NKAIN2: variants seen among roughly 807,000 people sequenced by gnomAD.
The protein encoded by NKAIN2 is sodium/potassium transporting ATPase interacting 2.
In NKAIN2, 14 loss-of-function variants were observed where a neutral mutation model predicts 32.6. The observed-to-expected ratio is 0.43, with a 90% CI of 0.28 to 0.67. The LOEUF is 0.67. NKAIN2 is among the 30% of genes least tolerant of loss of function. The pLI, the probability that NKAIN2 is intolerant of heterozygous loss-of-function variation, is 0.17. For synonymous variants in NKAIN2, 80 were observed against 87.2 expected, an observed-to-expected ratio of 0.92 and a Z score of 0.46; for missense variants, 198 against 258.3, an observed-to-expected ratio of 0.77 and a Z score of 1.60.
At chr6:124,810,613 C>T (rs1780853055) in intron 5 of NKAIN2, among the ~76,000 whole-genome samples, 1 of 151,630 alleles carries the variant, frequency 6.6e-6, no homozygotes, top group African/African-American at 2.4e-5. Flanking sequence ...CACGTGTACC[C>T]TAAAACTTAA....
intron 1 of NKAIN2, among the ~76,000 whole-genome samples, chr6:123,871,613 A>T (rs1328445943): frequency 6.6e-6 from 1 of 152,038 alleles, no homozygotes; most frequent in Non-Finnish European, 1.5e-5. Context: ...GGCATAGGAG[A>T]TATATTTGGA....
chr6:124,779,254 AGAGAG>A lies in NKAIN2; in HGVS notation c.475-12084_475-12080del, dbSNP rs1779134081. On this transcript the variant is annotated intron_variant, in intron 4 of 6. Coordinates refer to ENST00000368417, the MANE Select transcript of NKAIN2 (RefSeq NM_001040214.3). ...GCCAGACTCCAACAAAGAAAGAGAG[AGAGAG>A]AGAGAGAGAGAGAGAGAGAGAGAGG... Among the ~76,000 whole-genome samples, 12 of 26,022 alleles carry A rather than the reference AGAGAG, an allele frequency of 4.6e-4. 1 individual carries two copies. The South Asian group carries it at 0.023, about 50-fold the overall frequency. 17.1% of individuals were successfully genotyped at this position (26,022 alleles called of 152,430 possible). A position where few individuals can be genotyped will look rare whatever the true frequency, so the allele number is the denominator to read the frequency against.
chr6:124,053,768 A>G (rs1377268111), intron 1 of NKAIN2, among the ~76,000 whole-genome samples: 1 of 152,038 alleles, frequency 6.6e-6, no homozygotes, highest in Non-Finnish European at 1.5e-5. Flanking sequence ...AAAAGGCTTG[A>G]GGAGGAAAAA....
chr6:124,208,759 C>A (rs1791023285), intron 1 of NKAIN2, among the ~76,000 whole-genome samples: 1 of 107,218 alleles, frequency 9.3e-6, no homozygotes, highest in African/African-American at 2.7e-5. Context: ...TCAATGCATG[C>A]AGAAAAATAT....
intron 1 of NKAIN2, among the ~76,000 whole-genome samples, chr6:124,062,409 A>G (rs1335354050): frequency 1.3e-5 from 2 of 151,990 alleles, no homozygotes; most frequent in African/African-American, 4.8e-5. Context: ...GGAATAGCTG[A>G]TTTCAGTTTT....
intron 1 of NKAIN2, among the ~76,000 whole-genome samples, chr6:123,999,378 T>A (rs893952327): frequency 6.6e-6 from 1 of 152,178 alleles, no homozygotes; most frequent in Admixed American, 6.5e-5. Context: ...AAAACTCTTC[T>A]GCTGCATCTT....
At chr6:124,585,007 C>T (rs1032011730) in intron 3 of NKAIN2, among the ~76,000 whole-genome samples, 1 of 152,224 alleles carries the variant, frequency 6.6e-6, no homozygotes, top group African/African-American at 2.4e-5. Flanking sequence ...TATCTGCACT[C>T]CCATGTTTAT....
chr6:124,658,712 C>T lies in NKAIN2; in HGVS notation c.474+326C>T, dbSNP rs558122850. The T allele has an allele frequency of 2.7e-4, 136 of 499,444 alleles. No individual in the cohort carries two copies. In the South Asian group the frequency reaches 4.5e-3, roughly 16 times the overall value. 30.9% of individuals were successfully genotyped at this position (499,444 alleles called of 1,614,324 possible). On this transcript the variant is annotated intron_variant, in intron 4 of 6. Transcript: ENST00000368417. ...GGATGATCAGAGATTTTTTTCATAACGTTCTACAGTACTCAAAATTATAAG... is the reference window on the plus strand; with the variant it reads ...GGATGATCAGAGATTTTTTTCATAATGTTCTACAGTACTCAAAATTATAAG...
intron 1 of NKAIN2, among the ~76,000 whole-genome samples, chr6:123,886,777 C>T (rs1248848979): frequency 6.6e-6 from 1 of 152,066 alleles, no homozygotes; most frequent in Non-Finnish European, 1.5e-5. Flanking sequence ...AACATTTTGT[C>T]AGTTGCCCCA....
At chr6:124,656,154 TC>T (rs1165040318) in intron 3 of NKAIN2, among the ~76,000 whole-genome samples, 2 of 152,110 alleles carry the variant, frequency 1.3e-5, no homozygotes, top group African/African-American at 2.4e-5. Flanking sequence ...TCTCATGATT[TC>T]CCCCACAGGG....
chr6:124,088,080 G>C (rs1160867218), intron 1 of NKAIN2, among the ~76,000 whole-genome samples: 3 of 152,010 alleles, frequency 2.0e-5, no homozygotes, highest in Non-Finnish European at 4.4e-5. Flanking sequence ...AACAGTAGTT[G>C]TAACAAAGCA....
intron 1 of NKAIN2, among the ~76,000 whole-genome samples, chr6:123,986,349 A>G (rs768720094): frequency 1.6e-4 from 24 of 152,180 alleles, no homozygotes; most frequent in Non-Finnish European, 3.1e-4. Context: ...AGAAGGGCCC[A>G]CAGGAATATT....
chr6:124,342,249 A>T (rs1433288968), intron 2 of NKAIN2, among the ~76,000 whole-genome samples: 2 of 151,174 alleles, frequency 1.3e-5, no homozygotes, highest in South Asian at 4.2e-4. Context: ...AAAAAAAAAA[A>T]TACAAAAAAA....
intron 1 of NKAIN2, among the ~76,000 whole-genome samples, chr6:123,998,743 CTGTGTGTGTG>C (rs34410164): frequency 0.015 from 1,967 of 134,234 alleles, 19 homozygotes; most frequent in Middle Eastern, 0.034. Context: ...CTCTCTCTCT[CTGTGTGTGTG>C]TGTGTGTGTG....
rs542501550 is a variant in NKAIN2, at chr6:123,961,078, T to C, written c.54+156824T>C. 3.9e-5 allele frequency among the ~76,000 whole-genome samples: 6 copies of C among 152,290 alleles called. No individual in the cohort carries two copies. The South Asian group carries it at 1.2e-3, about 32-fold the overall frequency. ...AAGCAGGAGATGCCTATGTGTGTCT[T>C]TCCCCTTGTTCAATTCTATAGTCTG... On this transcript the variant is annotated intron_variant, in intron 1 of 6. Transcript: ENST00000368417.
At chr6:124,536,140 A>G (rs951624464) in intron 3 of NKAIN2, among the ~76,000 whole-genome samples, 2 of 152,216 alleles carry the variant, frequency 1.3e-5, no homozygotes, top group Admixed American at 6.5e-5. Flanking sequence ...CCAAGTAATG[A>G]CTATTGAACA....
At chr6:124,326,443 T>A (rs1458146727) in intron 2 of NKAIN2, among the ~76,000 whole-genome samples, 3 of 152,178 alleles carry the variant, frequency 2.0e-5, no homozygotes, top group Non-Finnish European at 4.4e-5. Context: ...CACCTCAAAT[T>A]ATAGCCTTTC....
At chr6:124,691,158 T>C (rs1774238054) in intron 4 of NKAIN2, among the ~76,000 whole-genome samples, 1 of 152,212 alleles carries the variant, frequency 6.6e-6, no homozygotes, top group African/African-American at 2.4e-5. Context: ...TCATTACACT[T>C]GTTTTTACCT....
At chr6:123,920,348 G>A (rs903600070) in intron 1 of NKAIN2, among the ~76,000 whole-genome samples, 1 of 152,020 alleles carries the variant, frequency 6.6e-6, no homozygotes, top group Admixed American at 6.6e-5. Context: ...GATTTTTGGT[G>A]CACACTCCTT....
Sources: gnomAD v4.1 joint callset for allele counts (sites outside exome capture counted in the v4.1 genomes callset) on GRCh38, gnomAD v4.1.1 for gene constraint, MANE v1.5 for transcripts, NCBI Gene and HGNC (gene_info 2026-07-23, HGNC 2026-07-21) for gene names.